The following ZSCAN25 variants were observed in gnomAD, a reference collection of about 807,000 sequenced individuals.
ZSCAN25 encodes the protein zinc finger and SCAN domain containing 25.
In ZSCAN25, 27 loss-of-function variants were observed where a neutral mutation model predicts 38.7. The observed-to-expected ratio is 0.70, with a 90% CI of 0.51 to 0.96. ZSCAN25 has a LOEUF of 0.96. Ranked by LOEUF, ZSCAN25 falls within the 40% of genes least tolerant of loss-of-function variation. The pLI, the probability that ZSCAN25 is intolerant of heterozygous loss-of-function variation, is 0.00. For synonymous variants in ZSCAN25, 273 were observed against 277.7 expected (o/e 0.98, Z 0.17); for missense variants, 637 against 705.9 (o/e 0.90, Z 1.11).
chr7:99,707,989 G>A, the ZSCAN25 span: 2 of 1,613,574 alleles, frequency 1.2e-6, no homozygotes, highest in Non-Finnish European at 1.7e-6. Context: ...TTCCATATTG[G>A]TAGATATTTT....
chr7:99,627,252 G>A (rs1324342647), intron 7 of ZSCAN25, among the ~76,000 whole-genome samples: 1 of 152,076 alleles, frequency 6.6e-6, no homozygotes, highest in Non-Finnish European at 1.5e-5. Context: ...TTTCATCTAA[G>A]AAAATAAACA....
rs891182700 is a variant in ZSCAN25, at chr7:99,631,600, C to G, written c.*1580C>G. 13 of 985,202 alleles carry G rather than the reference C, an allele frequency of 1.3e-5. No homozygotes were observed. Among genetic ancestry groups the G allele is most frequent in the African/African-American group, 3.5e-5 (2 of 57,178 alleles). The allele number at this position is 985,202 out of a possible 1,614,324, so 61.0% of individuals were successfully genotyped here. On this transcript the variant is annotated 3_prime_UTR_variant, in exon 8 of 8. Coordinates refer to ENST00000394152, the MANE Select transcript of ZSCAN25 (RefSeq NM_145115.3). ...GTTTGTCTTCTGATGCCTCTTAATA[C>G]CAGATTCTTTTACTGAGATTTTTTT... is the stretch of plus-strand genomic sequence containing the variant.
At chr7:99,734,959 G>A in the ZSCAN25 span, 1 of 1,610,068 alleles carries the variant, frequency 6.2e-7, no homozygotes, top group East Asian at 2.2e-5. Flanking sequence ...ATAAGGGAAA[G>A]AGAGGCCTGA....
At chr7:99,636,331 T>C (rs1281847341), downstream of ZSCAN25, among the ~76,000 whole-genome samples, 1 of 152,224 alleles carries the variant, frequency 6.6e-6, no homozygotes, top group South Asian at 2.1e-4. Flanking sequence ...CTTCGTACTT[T>C]AGTTGCATCT....
chr7:99,694,709 T>C, the ZSCAN25 span, among the ~76,000 whole-genome samples: 1 of 151,996 alleles, frequency 6.6e-6, no homozygotes, highest in South Asian at 2.1e-4. Flanking sequence ...TTGGAAGAAT[T>C]GGAATCAGGG....
At chr7:99,705,388 C>T in the ZSCAN25 span, 4 of 1,201,238 alleles carry the variant, frequency 3.3e-6, no homozygotes, top group Non-Finnish European at 4.9e-6. Context: ...TTATGCAGCA[C>T]ATTGGATGAA....
At chr7:99,676,317 A>T in the ZSCAN25 span, 1 of 1,573,464 alleles carries the variant, frequency 6.4e-7, no homozygotes, top group Non-Finnish European at 8.6e-7. Context: ...TAATATGTAC[A>T]CGATAAATAA....
At chr7:99,674,451 G>T in the ZSCAN25 span, 1 of 1,058,214 alleles carries the variant, frequency 9.4e-7, no homozygotes, top group Non-Finnish European at 1.4e-6. Flanking sequence ...ATCCCATGAA[G>T]ACCTGGGCAG....
At chr7:99,697,586 TA>T in the ZSCAN25 span, among the ~76,000 whole-genome samples, 1 of 152,186 alleles carries the variant, frequency 6.6e-6, no homozygotes, top group African/African-American at 2.4e-5. Context: ...TAAGTAAACA[TA>T]AAATGTTCCA....
chr7:99,734,496 A>C, the ZSCAN25 span, among the ~76,000 whole-genome samples: 4 of 152,238 alleles, frequency 2.6e-5, no homozygotes, highest in Non-Finnish European at 5.9e-5. Context: ...TTTCCACTAA[A>C]GATGAATGGG....
At chr7:99,708,345 G>A in the ZSCAN25 span, among the ~76,000 whole-genome samples, 9 of 152,234 alleles carry the variant, frequency 5.9e-5, no homozygotes, top group African/African-American at 2.2e-4. Context: ...CCTTATGTTG[G>A]TCATGAGGAA....
Position 99,621,407 on chromosome 7 carries a change from C to T in ZSCAN25, c.422C>T (p.Thr141Ile), listed in dbSNP as rs770399311. ...PCHRQGEQEE[T>I]ALCRGAWEPG... ...CACAGGCAGGGAGAGCAGGAGGAAACAGCACTTTGCAGAGGCGCTTGGGAG... is the reference window on the plus strand; with the variant it reads ...CACAGGCAGGGAGAGCAGGAGGAAATAGCACTTTGCAGAGGCGCTTGGGAG... The change falls in exon 5 of 8, where the codon ACA becomes ATA. Residue 141 changes from threonine (T) to isoleucine (I), a missense_variant. Coordinates refer to ENST00000394152, the MANE Select transcript of ZSCAN25 (RefSeq NM_145115.3). 2.4e-5 allele frequency: 36 copies of T among 1,492,586 alleles called. No homozygotes were observed. Among genetic ancestry groups the T allele is most frequent in the Non-Finnish European group, 3.2e-5 (35 of 1,110,594 alleles). The allele number at this position is 1,492,586 out of a possible 1,614,324, so 92.5% of individuals were successfully genotyped here.
At chr7:99,719,716 A>C in the ZSCAN25 span, among the ~76,000 whole-genome samples, 1 of 152,184 alleles carries the variant, frequency 6.6e-6, no homozygotes, top group East Asian at 1.9e-4. Context: ...CGGAGATGGA[A>C]TGGGTCTGCA....
chr7:99,648,381 G>A, the ZSCAN25 span: 45 of 1,609,670 alleles, frequency 2.8e-5, 1 homozygote, highest in Middle Eastern at 3.3e-4. Flanking sequence ...AAGTCCTTGC[G>A]TGTCTAATTT....
the ZSCAN25 span, chr7:99,647,807 C>G: frequency 3.0e-6 from 3 of 985,312 alleles, no homozygotes; most frequent in Non-Finnish European, 3.6e-6. Context: ...TCATTCAGTT[C>G]TATAGATTTC....
chr7:99,669,232 G>A, the ZSCAN25 span, among the ~76,000 whole-genome samples: 3 of 152,126 alleles, frequency 2.0e-5, no homozygotes, highest in Non-Finnish European at 4.4e-5. Context: ...AATTTCCACG[G>A]AATTTGTGCC....
the ZSCAN25 span, chr7:99,680,117 T>G: frequency 1.7e-5 from 9 of 539,232 alleles, no homozygotes; most frequent in Non-Finnish European, 2.7e-5. Flanking sequence ...TCATGTTCTA[T>G]GAGGAATCAT....
chr7:99,715,800 G>A, the ZSCAN25 span: 5 of 1,613,876 alleles, frequency 3.1e-6, no homozygotes, highest in South Asian at 4.4e-5. Context: ...AATCTTAAAA[G>A]CTTCTTGGTG....
chr7:99,648,122 A>G, the ZSCAN25 span: 3 of 1,284,828 alleles, frequency 2.3e-6, no homozygotes, highest in Non-Finnish European at 3.0e-6. Context: ...TTTATACTAC[A>G]TAATGCACAA....
Sources: allele counts gnomAD v4.1 joint callset (sites outside exome capture counted in the v4.1 genomes callset), GRCh38; gene constraint gnomAD v4.1.1; transcripts MANE v1.5; gene names NCBI Gene and HGNC (gene_info 2026-07-23, HGNC 2026-07-21).